PDE3B: variants seen among roughly 807,000 people sequenced by gnomAD.
PDE3B encodes the protein phosphodiesterase 3B, also known as cGMP-inhibited 3',5'-cyclic phosphodiesterase 3B.
In PDE3B, 66 loss-of-function variants were observed where a neutral mutation model predicts 116.8. The observed-to-expected ratio is 0.56, with a 90% CI of 0.46 to 0.69. The LOEUF (loss-of-function observed/expected upper bound fraction) is 0.69, where lower values mean the gene tolerates loss of function less well. Among genes scored for constraint, PDE3B ranks in the 30% least tolerant of loss-of-function variants. The probability of loss-of-function intolerance (pLI) is 0.00; values close to 1 mark genes in which losing one functional copy is unlikely to be tolerated. For missense variants in PDE3B, 1,384 were observed against 1,368.1 expected (o/e 1.01, Z -0.18); for synonymous variants, 595 against 533.6 (o/e 1.12, Z -1.59).
chr11:14,694,634 T>G (rs1360953403), intron 1 of PDE3B, among the ~76,000 whole-genome samples: 1 of 152,110 alleles, frequency 6.6e-6, no homozygotes, highest in African/African-American at 2.4e-5. Context: ...GTAAATATAC[T>G]TACAGTATAG....
chr11:14,765,074 C>T (rs569907500), intron 1 of PDE3B, among the ~76,000 whole-genome samples: 146 of 151,756 alleles, frequency 9.6e-4, no homozygotes, highest in Non-Finnish European at 1.8e-3. Context: ...TTTTATTAGG[C>T]CTAAGTTGGA....
chr11:14,649,475 C>T (rs1428950177), intron 1 of PDE3B, among the ~76,000 whole-genome samples: 1 of 152,156 alleles, frequency 6.6e-6, no homozygotes, highest in Non-Finnish European at 1.5e-5. Flanking sequence ...GGACTAGAAC[C>T]TAGGTCTTTA....
chr11:14,710,983 T>C (rs1226855917), intron 1 of PDE3B, among the ~76,000 whole-genome samples: 1 of 152,220 alleles, frequency 6.6e-6, no homozygotes, highest in Non-Finnish European at 1.5e-5. Flanking sequence ...TAAAGACTAG[T>C]ATATAATAGG....
chr11:14,866,721 G>A (rs1200392553), intron 14 of PDE3B, among the ~76,000 whole-genome samples: 1 of 152,144 alleles, frequency 6.6e-6, no homozygotes, highest in Non-Finnish European at 1.5e-5. Context: ...TCCCAAACCA[G>A]TTCAGACACT....
At chr11:14,774,545 C>T (rs895965746) in intron 2 of PDE3B, 4 of 152,194 alleles carry the variant, frequency 2.6e-5, no homozygotes, top group African/African-American at 9.7e-5. Flanking sequence ...GTCCCCAGTG[C>T]TTCTCATTGC....
At chr11:14,892,173 C>A in the PDE3B span, 1 of 1,610,782 alleles carries the variant, frequency 6.2e-7, no homozygotes, top group East Asian at 2.2e-5. Context: ...CGAGCGCCGC[C>A]GCGCCCTCTT....
At chr11:14,892,212 G>C in the PDE3B span, 1 of 1,608,430 alleles carries the variant, frequency 6.2e-7, no homozygotes, top group African/African-American at 1.3e-5. Flanking sequence ...ACATCGGCCC[G>C]AGCTGGAGGT....
chr11:14,779,350 C>A (rs188731715), intron 2 of PDE3B, among the ~76,000 whole-genome samples: 126 of 152,168 alleles, frequency 8.3e-4, no homozygotes, highest in African/African-American at 2.8e-3. Flanking sequence ...AAGAGCAACT[C>A]CAAAACACAT....
At chr11:14,850,189 G>T (rs1010048603) in intron 12 of PDE3B, among the ~76,000 whole-genome samples, 18 of 152,080 alleles carry the variant, frequency 1.2e-4, no homozygotes, top group African/African-American at 4.1e-4. Flanking sequence ...TCCTTTGTAG[G>T]GACATGGATG....
At chr11:14,752,164 A>G (rs557661241) in intron 1 of PDE3B, among the ~76,000 whole-genome samples, 3 of 152,192 alleles carry the variant, frequency 2.0e-5, no homozygotes, top group Admixed American at 6.5e-5. Context: ...TTTAAAGGTT[A>G]CCAATAACCT....
intron 1 of PDE3B, among the ~76,000 whole-genome samples, chr11:14,696,165 C>G (rs1855200834): frequency 6.6e-6 from 1 of 152,128 alleles, no homozygotes. Context: ...ACCTTGCCAG[C>G]ATTTGTTGTT....
chr11:14,870,561 CAAAG>C lies in PDE3B; in HGVS notation c.*903_*906del, dbSNP rs1848126540. The C allele has an allele frequency of 6.6e-6, 1 of 152,430 alleles. No individual in the cohort carries two copies. The highest frequency in any genetic ancestry group is 2.4e-5 in the African/African-American group (1 of 41,394). 9.4% of individuals were successfully genotyped at this position (152,430 alleles called of 1,614,324 possible). ...GCTGTAATACCAAAACTAACCTCAT[CAAAG>C]ATACAGAAAAAAAGAAATATAGTGA... On this transcript the variant is annotated 3_prime_UTR_variant, in exon 16 of 16. Transcript: ENST00000282096. The surrounding 1 kb of genome is among the most constrained non-coding windows in gnomAD (Gnocchi z 4.1).
intron 12 of PDE3B, among the ~76,000 whole-genome samples, chr11:14,845,708 C>G (rs1484201404): frequency 6.6e-6 from 1 of 151,996 alleles, no homozygotes; most frequent in Non-Finnish European, 1.5e-5. Context: ...GCCTCAGGAG[C>G]CGATGTGATC....
At chr11:14,824,492 A>C (rs1235412321) in intron 7 of PDE3B, among the ~76,000 whole-genome samples, 1 of 152,242 alleles carries the variant, frequency 6.6e-6, no homozygotes, top group Non-Finnish European at 1.5e-5. Context: ...GAATTTTGTA[A>C]TGCAATTCCA....
intron 1 of PDE3B, among the ~76,000 whole-genome samples, chr11:14,662,061 T>A (rs1273428017): frequency 6.6e-6 from 1 of 151,940 alleles, no homozygotes; most frequent in Non-Finnish European, 1.5e-5. Flanking sequence ...CACCCCCAAG[T>A]AGGGGCAGAC....
chr11:14,718,523 A>G (rs911532696), intron 1 of PDE3B, among the ~76,000 whole-genome samples: 2 of 149,530 alleles, frequency 1.3e-5, no homozygotes, highest in African/African-American at 4.9e-5. Context: ...AGTTGGAAGT[A>G]AAGCTCTCCT....
chr11:14,766,923 C>T (rs1400726527), intron 1 of PDE3B, among the ~76,000 whole-genome samples: 1 of 151,668 alleles, frequency 6.6e-6, no homozygotes, highest in Non-Finnish European at 1.5e-5. Flanking sequence ...TACACATATA[C>T]CAAGAGCTGA....
chr11:14,736,191 C>A (rs10832297), intron 1 of PDE3B, among the ~76,000 whole-genome samples: 53,776 of 151,838 alleles, frequency 0.35, 10,937 homozygotes, highest in South Asian at 0.46. Flanking sequence ...TGAGGGCGGC[C>A]TGGGAAGCAA....
intron 10 of PDE3B, among the ~76,000 whole-genome samples, chr11:14,833,558 T>G (rs1012193955): frequency 6.6e-6 from 1 of 152,166 alleles, no homozygotes; most frequent in Non-Finnish European, 1.5e-5. Context: ...ATGCTTAAAA[T>G]TGATCATCTA....
Sources: gnomAD v4.1 joint callset for allele counts (sites outside exome capture counted in the v4.1 genomes callset) on GRCh38, gnomAD v4.1.1 for gene constraint, Gnocchi (gnomAD v3.1) non-coding constraint, MANE v1.5 for transcripts, NCBI Gene and HGNC (gene_info 2026-07-23, HGNC 2026-07-21) for gene names.